PCDHGA2: variants seen among roughly 807,000 people sequenced by gnomAD.
The protein encoded by PCDHGA2 is protocadherin gamma-A2.
In PCDHGA2, 40 loss-of-function variants were observed where a neutral mutation model predicts 59.2. That is an observed-to-expected ratio of 0.68 (90% CI 0.52 to 0.88). The LOEUF is 0.88. Ranked by LOEUF, PCDHGA2 falls within the 40% of genes least tolerant of loss-of-function variation. PCDHGA2 has a pLI of 0.00. For synonymous variants in PCDHGA2, 560 were observed against 526.0 expected (o/e 1.06, Z -0.89); for missense variants, 1,226 against 1,204.0 (o/e 1.02, Z -0.27).
chr5:141,424,699 G>A (rs185769714), intron 1 of PCDHGA2: 222 of 152,060 alleles, frequency 1.5e-3, no homozygotes, highest in African/African-American at 5.2e-3. Flanking sequence ...CTATTTTTTT[G>A]TTCATTTTCA....
In PCDHGA2 at chr5:141,493,668, GC is replaced by G. The variant is rs1178535601; in HGVS notation, c.2425-1135del. On this transcript the variant is annotated intron_variant, in intron 1 of 3. Coordinates refer to ENST00000394576, the MANE Select transcript of PCDHGA2 (RefSeq NM_018915.4). This position sits in a 1 kb window ranked among gnomAD's most constrained non-coding sequence, Gnocchi z 4.3. ...CATCCCTGTGCCCTTCTCCATGGCAGCCCCAGAATGGTGCTGGTGACTCCCG... is the reference window on the plus strand; with the variant it reads ...CATCCCTGTGCCCTTCTCCATGGCAGCCCAGAATGGTGCTGGTGACTCCCG... Among the ~76,000 whole-genome samples the G allele has an allele frequency of 6.6e-6, 1 of 152,140 alleles. No individual in the cohort carries two copies. The highest frequency in any genetic ancestry group is 2.4e-5 in the African/African-American group (1 of 41,422).
At chr5:141,389,552 T>C (rs752525339) in intron 1 of PCDHGA2, 14 of 1,613,104 alleles carry the variant, frequency 8.7e-6, no homozygotes, top group East Asian at 6.7e-5. Context: ...GCAACGACAA[T>C]GCGCCACGGG....
chr5:141,494,613 G>A (rs2099755672), intron 1 of PCDHGA2, among the ~76,000 whole-genome samples, 194 bp from the exon 2 acceptor site: 1 of 152,136 alleles, frequency 6.6e-6, no homozygotes, highest in Non-Finnish European at 1.5e-5. Context: ...TTATCTCTTG[G>A]TTTCTGGTAC....
At chr5:141,370,145 T>C in intron 1 of PCDHGA2, 1 of 438,916 alleles carries the variant, frequency 2.3e-6, no homozygotes. Context: ...TTAGTCACCA[T>C]TACTGCAGTT....
chr5:141,370,825 A>C, intron 1 of PCDHGA2: 3 of 1,614,070 alleles, frequency 1.9e-6, no homozygotes, highest in Non-Finnish European at 2.5e-6. Context: ...GAAATCAGCG[A>C]ACTGGCTCTC....
chr5:141,393,731 T>C (rs1268576228), intron 1 of PCDHGA2: 1 of 1,613,754 alleles, frequency 6.2e-7, no homozygotes, highest in Non-Finnish European at 8.5e-7. Context: ...TAGCAAAAAG[T>C]CTAGATTATG....
At chr5:141,382,839 T>TA in intron 1 of PCDHGA2, 1 of 1,450,270 alleles carries the variant, frequency 6.9e-7, no homozygotes, top group South Asian at 1.4e-5. Flanking sequence ...TCCACCCGGA[T>TA]ACACCCGCAT....
intron 1 of PCDHGA2, chr5:141,376,294 C>T (rs572453488): frequency 9.9e-6 from 16 of 1,614,226 alleles, no homozygotes; most frequent in East Asian, 2.2e-5. Context: ...GCATGCCCGG[C>T]TCGCACTTTG....
chr5:141,376,421 A>C (rs765897100), intron 1 of PCDHGA2: 1 of 1,614,248 alleles, frequency 6.2e-7, no homozygotes, highest in Non-Finnish European at 8.5e-7. Flanking sequence ...CGACACGCTT[A>C]TCAACCAGGA....
rs759226115 is a variant in PCDHGA2 at position 141,405,385 on chromosome 5, A to AT, written c.2424+63998dup. 3.1e-5 allele frequency: 49 copies of AT among 1,599,976 alleles called. 1 individual carries two copies. The highest frequency in any genetic ancestry group is 2.8e-4 in the Admixed American group (16 of 56,782). On this transcript the variant is annotated intron_variant, in intron 1 of 3. Coordinates refer to ENST00000394576, the MANE Select transcript of PCDHGA2 (RefSeq NM_018915.4). ...ACACCCCTTTGGTTCCGGTGAGTTC[A>AT]TTTTTTTTCTTTCTTTCTTTTCTTT...
At chr5:141,346,499 G>A (rs1411471058) in intron 1 of PCDHGA2, 1 of 1,611,114 alleles carries the variant, frequency 6.2e-7, no homozygotes, top group Non-Finnish European at 8.5e-7. Flanking sequence ...ACAAATATGA[G>A]AATGTGGTTA....
intron 1 of PCDHGA2, chr5:141,416,166 T>C (rs2096001393): frequency 6.5e-6 from 1 of 152,744 alleles, no homozygotes; most frequent in Admixed American, 6.5e-5. Flanking sequence ...CAGTTGAATA[T>C]ACTAAGTTTT....
intron 1 of PCDHGA2, chr5:141,422,738 C>G: frequency 6.2e-7 from 1 of 1,609,538 alleles, no homozygotes; most frequent in Non-Finnish European, 8.5e-7. Flanking sequence ...CCTCTGTCCT[C>G]CTATGTCTCT....
intron 1 of PCDHGA2, chr5:141,372,038 G>C: frequency 1.2e-6 from 2 of 1,613,506 alleles, no homozygotes; most frequent in South Asian, 1.1e-5. Context: ...ACGTGAGCCT[G>C]CGCGTGTTGG....
At chr5:141,433,381 A>ATCTC (rs1561869478) in intron 1 of PCDHGA2, among the ~76,000 whole-genome samples, 1 of 151,148 alleles carries the variant, frequency 6.6e-6, no homozygotes, top group Admixed American at 6.6e-5. Flanking sequence ...CTATCTATCT[A>ATCTC]TCTATCTATC....
intron 1 of PCDHGA2, chr5:141,400,146 C>A (rs1444566578): frequency 6.2e-7 from 1 of 1,614,080 alleles, no homozygotes; most frequent in South Asian, 1.1e-5. Flanking sequence ...ATATCACTGA[C>A]CGCCCTGTAC....
chr5:141,384,492 A>G, intron 1 of PCDHGA2: 1 of 1,614,164 alleles, frequency 6.2e-7, no homozygotes, highest in South Asian at 1.1e-5. Flanking sequence ...TACAACTAAG[A>G]GTGACTGCAC....
intron 1 of PCDHGA2, chr5:141,410,442 C>G (rs1444532577): frequency 6.2e-7 from 1 of 1,613,942 alleles, no homozygotes; most frequent in Admixed American, 1.7e-5. Context: ...AGTGAGGGGA[C>G]TTTGCCTTAT....
intron 1 of PCDHGA2, chr5:141,360,585 A>G: frequency 1.2e-6 from 2 of 1,614,006 alleles, no homozygotes; most frequent in Non-Finnish European, 8.5e-7. Context: ...AGCCAGGTAC[A>G]ACATTTCCAC....
Sources: allele counts gnomAD v4.1 joint callset (sites outside exome capture counted in the v4.1 genomes callset), GRCh38; gene constraint gnomAD v4.1.1; non-coding constraint Gnocchi (gnomAD v3.1); transcripts MANE v1.5; gene names NCBI Gene and HGNC (gene_info 2026-07-23, HGNC 2026-07-21).